The following LRP1B variants were observed in gnomAD, a reference collection of about 807,000 sequenced individuals.
LRP1B encodes LDL receptor related protein 1B, also known as low-density lipoprotein receptor-related protein 1B.
Under a neutral mutation model 556.6 loss-of-function variants are expected in LRP1B, and 217 were observed. The observed-to-expected ratio is 0.39, with a 90% CI of 0.35 to 0.44. The LOEUF (loss-of-function observed/expected upper bound fraction) is 0.44, where lower values mean the gene tolerates loss of function less well. Among genes scored for constraint, LRP1B ranks in the 20% least tolerant of loss-of-function variants. The pLI is 1.00. For synonymous variants in LRP1B, 2,047 were observed against 1,865.8 expected (o/e 1.10, Z -2.50); for missense variants, 5,053 against 5,620.8 (o/e 0.90, Z 3.23).
intron 43 of LRP1B, among the ~76,000 whole-genome samples, chr2:140,567,438 C>T (rs1212344444): frequency 6.6e-6 from 1 of 152,154 alleles, no homozygotes; most frequent in East Asian, 1.9e-4. Context: ...GCCCAAACCT[C>T]CAGAGAATCC....
intron 77 of LRP1B, among the ~76,000 whole-genome samples, chr2:140,339,942 C>A (rs1410393511): frequency 6.6e-6 from 1 of 151,496 alleles, no homozygotes. Context: ...CTGCAATGAT[C>A]TACATTAGGA....
intron 2 of LRP1B, among the ~76,000 whole-genome samples, chr2:141,637,942 T>C (rs954307468): frequency 2.0e-5 from 3 of 152,192 alleles, no homozygotes; most frequent in African/African-American, 7.2e-5. Flanking sequence ...TAAATATATC[T>C]GTAATCCCAA....
chr2:140,480,405 A>G (rs1688182231), intron 59 of LRP1B, among the ~76,000 whole-genome samples: 1 of 152,204 alleles, frequency 6.6e-6, no homozygotes, highest in South Asian at 2.1e-4. Flanking sequence ...TTTCATTAAC[A>G]TATATTTCAA....
chr2:140,406,532 C>A (rs1446066465), intron 66 of LRP1B, among the ~76,000 whole-genome samples: 1 of 152,042 alleles, frequency 6.6e-6, no homozygotes, highest in Non-Finnish European at 1.5e-5. Flanking sequence ...AAGTCACCAG[C>A]ACTGCTATAC....
chr2:141,205,357 T>C (rs1386609536), intron 6 of LRP1B, among the ~76,000 whole-genome samples: 1 of 152,208 alleles, frequency 6.6e-6, no homozygotes, highest in Non-Finnish European at 1.5e-5. Flanking sequence ...TGACTCTCCA[T>C]GTAATTCTGT....
intron 32 of LRP1B, among the ~76,000 whole-genome samples, chr2:140,776,580 A>G (rs1343282147): frequency 6.6e-6 from 1 of 151,764 alleles, no homozygotes; most frequent in Non-Finnish European, 1.5e-5. Flanking sequence ...TATTATTTAC[A>G]TACTTAAACA....
At chr2:140,865,396 T>C (rs1284151112) in intron 27 of LRP1B, among the ~76,000 whole-genome samples, 1 of 152,020 alleles carries the variant, frequency 6.6e-6, no homozygotes, top group Non-Finnish European at 1.5e-5. Context: ...ATGAACATCA[T>C]GTTATTATTC....
intron 41 of LRP1B, among the ~76,000 whole-genome samples, chr2:140,662,420 AT>A (rs1204465503): frequency 6.6e-6 from 1 of 152,156 alleles, no homozygotes; most frequent in Non-Finnish European, 1.5e-5. Context: ...GAAGAGGGTA[AT>A]AATACAAGGG....
intron 3 of LRP1B, among the ~76,000 whole-genome samples, chr2:141,371,067 G>A (rs1245723179): frequency 1.3e-5 from 2 of 151,780 alleles, no homozygotes; most frequent in Admixed American, 6.6e-5. Flanking sequence ...CACTGCAACC[G>A]CTGCCTTCTG....
chr2:140,949,878 GC>G (rs1695657944), intron 20 of LRP1B, among the ~76,000 whole-genome samples: 2 of 109,766 alleles, frequency 1.8e-5, no homozygotes, highest in African/African-American at 8.9e-5. Flanking sequence ...GGCGGAGCTT[GC>G]AGTGAGCCGA....
At chr2:140,485,243 G>A (rs957048509) in intron 59 of LRP1B, 100 bp downstream of exon 59, 17 of 805,660 alleles carry the variant, frequency 2.1e-5, no homozygotes, top group African/African-American at 8.8e-5. Flanking sequence ...ACACTTACAC[G>A]TTACATTGGA....
At chr2:140,386,467 G>A (rs77950870) in intron 66 of LRP1B, among the ~76,000 whole-genome samples, 3,503 of 152,082 alleles carry the variant, frequency 0.023, 50 homozygotes, top group Non-Finnish European at 0.023. Flanking sequence ...GCTCTTATTC[G>A]TAACTGATCT....
intron 3 of LRP1B, among the ~76,000 whole-genome samples, chr2:141,307,517 C>T (rs1446469841): frequency 6.6e-6 from 1 of 152,002 alleles, no homozygotes; most frequent in Non-Finnish European, 1.5e-5. Flanking sequence ...AGATGAGTCT[C>T]TTATAGGCAG....
At chr2:141,037,680 A>G (rs573440189) in intron 11 of LRP1B, among the ~76,000 whole-genome samples, 2 of 152,134 alleles carry the variant, frequency 1.3e-5, no homozygotes, top group Admixed American at 6.6e-5. Context: ...TGGCAGATAA[A>G]TATCTTTGAT....
intron 3 of LRP1B, among the ~76,000 whole-genome samples, chr2:141,319,431 C>A (rs953412372): frequency 2.0e-5 from 3 of 149,136 alleles, no homozygotes; most frequent in Admixed American, 6.8e-5. Context: ...TATTTTGAGA[C>A]AATTTTTTTT....
At chr2:141,508,105 GA>G (rs1335899939) in intron 2 of LRP1B, among the ~76,000 whole-genome samples, 1 of 149,500 alleles carries the variant, frequency 6.7e-6, no homozygotes, top group African/African-American at 2.5e-5. Context: ...AAAAAAGAAA[GA>G]AAAGAAAAAA....
In LRP1B at chr2:140,878,878, G is replaced by A. The variant is rs553348336; in HGVS notation, c.4169+4939C>T. Among the ~76,000 whole-genome samples, 13 of 151,530 alleles carry A rather than the reference G, an allele frequency of 8.6e-5. No individual in the cohort carries two copies. The East Asian group carries it at 2.0e-3, about 23-fold the overall frequency. On this transcript the variant is annotated intron_variant, in intron 25 of 90. Coordinates refer to ENST00000389484, the MANE Select transcript of LRP1B (RefSeq NM_018557.3). ...AAACATTGGCTGGGCGTGGTGGCACGCATCTGTAATCCCAACTACAGAATT... is the reference window on the plus strand; with the variant it reads ...AAACATTGGCTGGGCGTGGTGGCACACATCTGTAATCCCAACTACAGAATT...
At chr2:140,390,304 A>C (rs1558849164) in intron 66 of LRP1B, among the ~76,000 whole-genome samples, 2 of 152,178 alleles carry the variant, frequency 1.3e-5, no homozygotes, top group Non-Finnish European at 2.9e-5. Flanking sequence ...AAAAATAAGT[A>C]ATGTACATAT....
intron 1 of LRP1B, among the ~76,000 whole-genome samples, chr2:141,916,514 G>A (rs976829626): frequency 4.7e-5 from 7 of 148,168 alleles, no homozygotes; most frequent in South Asian, 2.2e-4. Flanking sequence ...GCAGGCACCC[G>A]CCACCATGCC....
Sources: gnomAD v4.1 joint callset for allele counts (sites outside exome capture counted in the v4.1 genomes callset) on GRCh38, gnomAD v4.1.1 for gene constraint, MANE v1.5 for transcripts, NCBI Gene and HGNC (gene_info 2026-07-23, HGNC 2026-07-21) for gene names.